Variants in HECTD2 observed in about 807,000 individuals in gnomAD.
HECTD2 encodes the protein HECT domain E3 ubiquitin protein ligase 2, also known as probable E3 ubiquitin-protein ligase HECTD2.
HECTD2 carries 35 observed loss-of-function variants against 103.2 expected under a neutral mutation model. That is an observed-to-expected ratio of 0.34 (90% CI 0.26 to 0.45). The LOEUF (loss-of-function observed/expected upper bound fraction) is 0.45. HECTD2 is among the 20% of genes least tolerant of loss of function. The probability of loss-of-function intolerance (pLI) is 1.00; values close to 1 mark genes in which losing one functional copy is unlikely to be tolerated. For synonymous variants in HECTD2, 281 were observed against 329.9 expected (o/e 0.85, Z 1.61); for missense variants, 596 against 937.4 (o/e 0.64, Z 4.76).
chr10:91,456,848 A>G (rs1054514322), intron 2 of HECTD2, among the ~76,000 whole-genome samples: 3 of 152,194 alleles, frequency 2.0e-5, no homozygotes, highest in Non-Finnish European at 4.4e-5. Flanking sequence ...AGGAGGAAAT[A>G]TAAAATCAGT....
intron 2 of HECTD2, among the ~76,000 whole-genome samples, chr10:91,430,278 T>G (rs1366584296): frequency 1.3e-5 from 2 of 152,114 alleles, no homozygotes; most frequent in Non-Finnish European, 2.9e-5. Flanking sequence ...TTACATTTGC[T>G]GAGGAGAGCT....
intron 5 of HECTD2, among the ~76,000 whole-genome samples, chr10:91,470,086 C>G (rs1191757349): frequency 6.6e-6 from 1 of 152,174 alleles, no homozygotes; most frequent in African/African-American, 2.4e-5. Flanking sequence ...TCTTAGAGAT[C>G]TACAAAGAGA....
chr10:91,421,739 G>C (rs1843367984), intron 1 of HECTD2, among the ~76,000 whole-genome samples: 1 of 152,172 alleles, frequency 6.6e-6, no homozygotes, highest in African/African-American at 2.4e-5. Flanking sequence ...CACAAATCAT[G>C]TTGATAAAAC....
At chr10:91,416,117 A>G (rs1241076644) in intron 1 of HECTD2, among the ~76,000 whole-genome samples, 2 of 152,172 alleles carry the variant, frequency 1.3e-5, no homozygotes, top group African/African-American at 4.8e-5. Context: ...GACACAAATA[A>G]TTTATAACTA....
At chr10:91,413,389 CAG>C (rs1287544942) in intron 1 of HECTD2, among the ~76,000 whole-genome samples, 1 of 152,158 alleles carries the variant, frequency 6.6e-6, no homozygotes. Flanking sequence ...TGACTGACCA[CAG>C]AGTTACCTTG....
At chr10:91,510,868 CTG>C (rs1457166430) in intron 20 of HECTD2, among the ~76,000 whole-genome samples, 2 of 152,160 alleles carry the variant, frequency 1.3e-5, no homozygotes, top group Non-Finnish European at 2.9e-5. Context: ...TGATCTGGGT[CTG>C]AATATTGGGC....
chr10:91,492,701 A>G (rs989366780), intron 13 of HECTD2, among the ~76,000 whole-genome samples: 16 of 152,324 alleles, frequency 1.1e-4, no homozygotes, highest in African/African-American at 3.6e-4. Flanking sequence ...CACAAAATGT[A>G]TCAAGATTAA....
intron 20 of HECTD2, among the ~76,000 whole-genome samples, chr10:91,503,606 G>T (rs992269989): frequency 6.6e-6 from 1 of 152,116 alleles, no homozygotes; most frequent in Non-Finnish European, 1.5e-5. Context: ...ATTATATCCC[G>T]CACTTGGCTC....
intron 5 of HECTD2, among the ~76,000 whole-genome samples, chr10:91,464,977 C>G (rs944331564): frequency 6.6e-6 from 1 of 152,084 alleles, no homozygotes; most frequent in Non-Finnish European, 1.5e-5. Context: ...AACACTATAA[C>G]CATATTTTCC....
intron 20 of HECTD2, among the ~76,000 whole-genome samples, chr10:91,503,610 T>A (rs1234862638): frequency 6.6e-6 from 1 of 152,122 alleles, no homozygotes; most frequent in Non-Finnish European, 1.5e-5. Flanking sequence ...TATCCCGCAC[T>A]TGGCTCGGAG....
intron 20 of HECTD2, among the ~76,000 whole-genome samples, chr10:91,506,309 C>G (rs542268339): frequency 5.1e-4 from 77 of 152,246 alleles, no homozygotes; most frequent in Non-Finnish European, 8.5e-4. Flanking sequence ...CACAGAAAAC[C>G]CTTCAATAAA....
chr10:91,416,822 C>T (rs930930661), intron 1 of HECTD2, among the ~76,000 whole-genome samples: 1 of 152,134 alleles, frequency 6.6e-6, no homozygotes, highest in Non-Finnish European at 1.5e-5. Flanking sequence ...AAACCTCCAC[C>T]GTCCCCCTCA....
intron 2 of HECTD2, among the ~76,000 whole-genome samples, chr10:91,459,962 A>C (rs1311882470): frequency 4.6e-5 from 7 of 152,128 alleles, no homozygotes; most frequent in African/African-American, 9.6e-5. Flanking sequence ...GTGTAAGTAC[A>C]TTGTATGATG....
chr10:91,445,858 T>C (rs1166304803), intron 2 of HECTD2, among the ~76,000 whole-genome samples: 3 of 152,108 alleles, frequency 2.0e-5, no homozygotes, highest in Non-Finnish European at 4.4e-5. Flanking sequence ...CCGGCCCAGA[T>C]ACTACACTTT....
intron 2 of HECTD2, among the ~76,000 whole-genome samples, chr10:91,449,538 G>T (rs1464981224): frequency 6.6e-6 from 1 of 152,012 alleles, no homozygotes; most frequent in Non-Finnish European, 1.5e-5. Flanking sequence ...TGGAAATTTT[G>T]GCCAGGGCAA....
At chr10:91,510,949 C>T (rs1333008612) in intron 20 of HECTD2, among the ~76,000 whole-genome samples, 1 of 152,064 alleles carries the variant, frequency 6.6e-6, no homozygotes, top group Non-Finnish European at 1.5e-5. Flanking sequence ...TTTTCCTCAC[C>T]AGTAAAATGA....
At chr10:91,463,841 A>G (rs999172192) in intron 5 of HECTD2, among the ~76,000 whole-genome samples, 7 of 152,238 alleles carry the variant, frequency 4.6e-5, no homozygotes, top group Non-Finnish European at 8.8e-5. Context: ...TTGATGATGT[A>G]AGTATAAATT....
intron 5 of HECTD2, among the ~76,000 whole-genome samples, chr10:91,466,136 C>G (rs1012824444): frequency 6.6e-6 from 1 of 152,064 alleles, no homozygotes; most frequent in Non-Finnish European, 1.5e-5. Context: ...TTCAGATTAT[C>G]TGTTTCTCCT....
intron 6 of HECTD2, among the ~76,000 whole-genome samples, chr10:91,479,100 G>T (rs1846003354): frequency 6.6e-6 from 1 of 152,088 alleles, no homozygotes; most frequent in Non-Finnish European, 1.5e-5. Context: ...TGTAATTCCA[G>T]CTTACTCAGG....
Sources: allele counts gnomAD v4.1 joint callset (sites outside exome capture counted in the v4.1 genomes callset), GRCh38; gene constraint gnomAD v4.1.1; transcripts MANE v1.5; gene names NCBI Gene and HGNC (gene_info 2026-07-23, HGNC 2026-07-21).